The following MAN2A2 variants were observed in gnomAD, a reference collection of about 807,000 sequenced individuals.
MAN2A2 encodes the protein alpha-mannosidase 2x.
MAN2A2 carries 79 observed loss-of-function variants against 126.8 expected under a neutral mutation model. The observed-to-expected ratio is 0.62, with a 90% CI of 0.52 to 0.75. The LOEUF is 0.75. Ranked by LOEUF, MAN2A2 falls within the 30% of genes least tolerant of loss-of-function variation. MAN2A2 has a pLI of 0.00. For synonymous variants in MAN2A2, 671 were observed against 618.7 expected (o/e 1.08, Z -1.25); for missense variants, 1,392 against 1,522.4 (o/e 0.91, Z 1.43).
intron 19 of MAN2A2, 140 bp from the exon 20 acceptor site, chr15:90,915,983 G>A: frequency 2.2e-6 from 2 of 898,380 alleles, no homozygotes; most frequent in African/African-American, 1.7e-5. Context: ...GTGGGAACCC[G>A]TGACCTCTCC....
chr15:90,910,472 G>T (rs2034637305), intron 10 of MAN2A2, 29 bp from the exon 11 acceptor site: 5 of 1,611,702 alleles, frequency 3.1e-6, no homozygotes, highest in Non-Finnish European at 3.4e-6. Context: ...AGTGGTGCAG[G>T]CTGGCAGCTA....
Position 90,905,236 on chromosome 15 carries a change from C to T in MAN2A2, c.133-15C>T, listed in dbSNP as rs758871639. 36 of 1,608,962 alleles carry T rather than the reference C, an allele frequency of 2.2e-5. No homozygotes were observed. Among genetic ancestry groups the T allele is most frequent in the Non-Finnish European group, 2.5e-6 (3 of 1,179,644 alleles). On this transcript the variant is annotated splice_polypyrimidine_tract_variant and intron_variant, in intron 2 of 22. Transcript: ENST00000559717. ...ATAAGGAGCTGTGTGTGATTGCTTT[C>T]TGGTTTTTTGGCAGAGCCAAATTTC...
In MAN2A2 at chr15:90,922,328, G is replaced by A. The variant is rs1480812008; in HGVS notation, c.*2541G>A. 6.6e-6 allele frequency: 1 copy of A among 152,200 alleles called. No homozygotes were observed. The highest frequency in any genetic ancestry group is 2.1e-4 in the South Asian group (1 of 4,832). 9.4% of individuals were successfully genotyped at this position (152,200 alleles called of 1,614,324 possible). Reference sequence around the variant, plus strand: ...CAGGTCATCAGAGTTGTTGCTGCCCGTATTAGGCCACACAGTGGAACCCCA... The same window carrying A: ...CAGGTCATCAGAGTTGTTGCTGCCCATATTAGGCCACACAGTGGAACCCCA... On this transcript the variant is annotated 3_prime_UTR_variant, in exon 23 of 23. Transcript: ENST00000559717.
chr15:90,911,293 C>T, intron 13 of MAN2A2, 55 bp downstream of exon 13: 1 of 1,612,730 alleles, frequency 6.2e-7, no homozygotes, highest in Non-Finnish European at 8.5e-7. Context: ...GGCTCTCAGG[C>T]CCCTCTGCCC....
intron 19 of MAN2A2, 100 bp downstream of exon 19, chr15:90,913,855 C>A: frequency 1.4e-6 from 2 of 1,406,576 alleles, no homozygotes; most frequent in South Asian, 1.5e-5. Context: ...TTGCCTCTTT[C>A]TGGACTGCAT....
Position 90,916,357 on chromosome 15 carries a change from CAA to C in MAN2A2, c.2994+102_2994+103del, listed in dbSNP as rs920422405. On this transcript the variant is annotated intron_variant, in intron 20 of 22. Coordinates refer to ENST00000559717, the MANE Select transcript of MAN2A2 (RefSeq NM_006122.4). ...CTCGAGGAGCGTAGTTGGAGGTGGG[CAA>C]GAGAGAGAGAGTAGGGCTGAATTCC... The C allele has an allele frequency of 8.0e-5, 116 of 1,444,468 alleles. No individual in the cohort carries two copies. The African/African-American group carries it at 1.4e-3, about 17-fold the overall frequency. 89.5% of individuals were successfully genotyped at this position (1,444,468 alleles called of 1,614,324 possible). A position where few individuals can be genotyped will look rare whatever the true frequency, so the allele number is the denominator to read the frequency against.
rs2035210383 is a variant in MAN2A2, at chr15:90,916,667, G to T, written c.2994+411G>T. The T allele has an allele frequency of 7.7e-6, 10 of 1,293,386 alleles. No homozygotes were observed. In the Middle Eastern group the frequency reaches 1.5e-3, roughly 192 times the overall value. The allele number at this position is 1,293,386 out of a possible 1,614,324, so 80.1% of individuals were successfully genotyped here. ...CAGGAGCGGTAACCGAGAGGTAAGG[G>T]TCGGCTCTGGGAGCGGGGAACTAGT... On this transcript the variant is annotated intron_variant, in intron 20 of 22. Transcript: ENST00000559717.
chr15:90,917,988 G>A (rs2035316479), intron 20 of MAN2A2: 3 of 579,382 alleles, frequency 5.2e-6, no homozygotes, highest in Non-Finnish European at 9.3e-6. Context: ...GCTTAGTGAA[G>A]TAGCCCTCTG....
chr15:90,918,952 G>A (rs1273424533), intron 22 of MAN2A2, among the ~76,000 whole-genome samples, 197 bp downstream of exon 22: 1 of 152,156 alleles, frequency 6.6e-6, no homozygotes, highest in Non-Finnish European at 1.5e-5. Context: ...GATCGCTTGA[G>A]AACTTTTGTT....
intron 19 of MAN2A2, among the ~76,000 whole-genome samples, chr15:90,914,891 C>T (rs958101931): frequency 1.4e-4 from 22 of 152,196 alleles, no homozygotes; most frequent in Admixed American, 1.4e-3. Context: ...TAGCTGGTCA[C>T]GCTGGCAGCT....
At position 90,913,756 on chromosome 15, in the gene MAN2A2, G is replaced by C; in HGVS notation, c.2860+1G>C. 1 of 1,589,666 alleles carries C rather than the reference G, an allele frequency of 6.3e-7. No individual in the cohort carries two copies. Among genetic ancestry groups the C allele is most frequent in the Non-Finnish European group, 8.6e-7 (1 of 1,166,854 alleles). ...CTGGGTGTCTCTAGCCTCAAAGATG[G>C]TGAGTAGGGCCCAGGAGTTCTGCAG... On this transcript the variant is annotated splice_donor_variant, in intron 19 of 22. Coordinates refer to ENST00000559717, the MANE Select transcript of MAN2A2 (RefSeq NM_006122.4). LOFTEE classifies it high-confidence loss of function.
chr15:90,905,100 C>G, intron 2 of MAN2A2, 151 bp from the exon 3 acceptor site: 1 of 786,108 alleles, frequency 1.3e-6, no homozygotes, highest in South Asian at 1.7e-5. Flanking sequence ...CTCCCTTTAT[C>G]TGAACGGTGT....
chr15:90,916,483 C>A, intron 20 of MAN2A2: 1 of 1,202,852 alleles, frequency 8.3e-7, no homozygotes, highest in Non-Finnish European at 1.2e-6. Context: ...CCCTCATGTT[C>A]GTCTCCCACT....
intron 9 of MAN2A2, 65 bp from the exon 10 acceptor site, chr15:90,910,025 C>A: frequency 6.9e-7 from 1 of 1,455,590 alleles, no homozygotes; most frequent in Non-Finnish European, 9.4e-7. Context: ...CCAACTGCAG[C>A]ACTGTGGCCA....
In MAN2A2 at chr15:90,911,462, G is replaced by A. The variant is rs139653973; in HGVS notation, c.2021G>A (p.Arg674His). ...CTGCTGGTCAACTCTCCCCGCGTGC[G>A]TGTCCTTTCGGAGGAGGGTCAGCCC... is the stretch of plus-strand genomic sequence containing the variant. ...VSLLVNSPRV[R>H]VLSEEGQPLA... The change falls in exon 14 of 23, where the codon CGT (arginine) becomes CAT (histidine). Residue 674 changes from arginine to histidine, a missense_variant. Physicochemically the swap from Arg to His is conservative, Grantham distance 29. Coordinates refer to ENST00000559717, the MANE Select transcript of MAN2A2 (RefSeq NM_006122.4). 89 of 1,614,206 alleles carry A rather than the reference G, an allele frequency of 5.5e-5. No homozygotes were observed. The highest frequency in any genetic ancestry group is 3.8e-4 in the South Asian group (35 of 91,090).
chr15:90,922,086 G>C lies in MAN2A2; in HGVS notation c.*2299G>C, dbSNP rs960950434. 9.9e-5 allele frequency: 15 copies of C among 152,282 alleles called. No homozygotes were observed. In the Middle Eastern group the frequency reaches 0.01, roughly 104 times the overall value. The allele number at this position is 152,282 out of a possible 1,614,324, so 9.4% of individuals were successfully genotyped here. A position where few individuals can be genotyped will look rare whatever the true frequency, so the allele number is the denominator to read the frequency against. On this transcript the variant is annotated 3_prime_UTR_variant, in exon 23 of 23. Transcript: ENST00000559717. ...GATATAATAAGGGAAAAGATAAGCAGATTTCGCAACCAAAAAATATCGAAA... is the reference window on the plus strand; with the variant it reads ...GATATAATAAGGGAAAAGATAAGCACATTTCGCAACCAAAAAATATCGAAA...
In MAN2A2 at chr15:90,904,222, G is replaced by A. The variant is rs1211703615; in HGVS notation, c.15G>A (p.Lys5=). The A allele has an allele frequency of 1.2e-6, 2 of 1,614,190 alleles. No homozygotes were observed. The highest frequency in any genetic ancestry group is 1.7e-5 in the Admixed American group (1 of 60,028). MKLK[K]QVTVCGAAIF... is the part of the protein sequence containing the mutation. Reference sequence around the variant, plus strand: ...TGGAGGCCAGTATGAAGCTGAAAAAGCAGGTGACAGTGTGTGGGGCTGCCA... The same window carrying A: ...TGGAGGCCAGTATGAAGCTGAAAAAACAGGTGACAGTGTGTGGGGCTGCCA... Residue 5 remains lysine, a synonymous_variant, in exon 2 of 23, where the codon AAG becomes AAA. Transcript: ENST00000559717.
intron 10 of MAN2A2, 98 bp downstream of exon 10, chr15:90,910,390 G>C: frequency 6.4e-7 from 1 of 1,572,464 alleles, no homozygotes; most frequent in Non-Finnish European, 8.7e-7. Context: ...GATAGGCCCA[G>C]AGGCCAGGGC....
chr15:90,905,950 CA>C lies in MAN2A2; in HGVS notation c.642del (p.Glu215ArgfsTer37). 6.2e-7 allele frequency: 1 copy of C among 1,613,940 alleles called. No homozygotes were observed. The highest frequency in any genetic ancestry group is 8.5e-7 in the Non-Finnish European group (1 of 1,179,910). On this transcript the variant is annotated frameshift_variant, in exon 5 of 23. Coordinates refer to ENST00000559717, the MANE Select transcript of MAN2A2 (RefSeq NM_006122.4). LOFTEE classifies it high-confidence loss of function. The part of the protein sequence containing the change: ...QEDPRRRFLW[A>X]EVSFFAKWWD... ...GACCCCCGGCGGCGCTTCCTCTGGGCAGAGGTCTCCTTCTTCGCCAAGTGGT... is the reference window on the plus strand; with the variant it reads ...GACCCCCGGCGGCGCTTCCTCTGGGCGAGGTCTCCTTCTTCGCCAAGTGGT...
Sources: allele counts gnomAD v4.1 joint callset (sites outside exome capture counted in the v4.1 genomes callset), GRCh38; gene constraint gnomAD v4.1.1; transcripts MANE v1.5; gene names NCBI Gene and HGNC (gene_info 2026-07-23, HGNC 2026-07-21).